Variants in NCMAP observed in about 807,000 individuals in gnomAD.
NCMAP encodes the protein non-compact myelin associated protein.
NCMAP carries 8 observed loss-of-function variants against 7.8 expected under a neutral mutation model. The ratio of observed to expected loss-of-function variants is 1.02; its 90% CI spans 0.60 to 1.84. The LOEUF is 1.84. NCMAP is among the 40% of genes most tolerant of loss of function. NCMAP has a pLI of 0.00. For synonymous variants in NCMAP, 41 were observed against 52.9 expected (o/e 0.78, Z 0.98); for missense variants, 112 against 131.4 (o/e 0.85, Z 0.72).
intron 1 of NCMAP, among the ~76,000 whole-genome samples, chr1:24,592,344 CG>C (rs1652072111): frequency 6.6e-6 from 1 of 152,140 alleles, no homozygotes; most frequent in Non-Finnish European, 1.5e-5. Context: ...GCAAGGAGTT[CG>C]TCTAGTATTC....
intron 1 of NCMAP, among the ~76,000 whole-genome samples, chr1:24,571,230 A>T (rs1401126231): frequency 6.6e-6 from 1 of 150,686 alleles, no homozygotes; most frequent in African/African-American, 2.5e-5. Context: ...TAATCCTAGC[A>T]CTTTGGGAGG....
intron 1 of NCMAP, among the ~76,000 whole-genome samples, chr1:24,565,916 G>A (rs1340055771): frequency 2.6e-5 from 4 of 152,078 alleles, no homozygotes; most frequent in African/African-American, 9.7e-5. Flanking sequence ...TTGAATCATC[G>A]TGGTGGTTTC....
intron 1 of NCMAP, among the ~76,000 whole-genome samples, chr1:24,594,891 A>T (rs1652166685): frequency 9.0e-6 from 1 of 111,184 alleles, no homozygotes; most frequent in East Asian, 2.4e-4. Context: ...ACCTTTATGT[A>T]AAAAAAAAAT....
rs1445103184 is a variant in NCMAP, at chr1:24,565,497, T to G, written c.-8+9328T>G. ...GCTAGAATTTAATGACATTGATCTA[T>G]TTCATCTAATTTATTTCATTGTTAC... On this transcript the variant is annotated intron_variant, in intron 1 of 3. Coordinates refer to ENST00000374392, the MANE Select transcript of NCMAP (RefSeq NM_001010980.5). Among the ~76,000 whole-genome samples, 3 of 152,248 alleles carry G rather than the reference T, an allele frequency of 2.0e-5. No homozygotes were observed. In the East Asian group the frequency reaches 5.8e-4, roughly 29 times the overall value.
intron 1 of NCMAP, among the ~76,000 whole-genome samples, chr1:24,579,299 G>A (rs961463733): frequency 7.9e-5 from 12 of 151,820 alleles, no homozygotes; most frequent in Non-Finnish European, 1.0e-4. Flanking sequence ...ATATATCAAT[G>A]TTTTCTTCTT....
At chr1:24,595,577 A>C in intron 2 of NCMAP, 65 bp downstream of exon 2, 1 of 1,303,390 alleles carries the variant, frequency 7.7e-7, no homozygotes. Context: ...GTCATAGTGC[A>C]GAGGTTAAGA....
At chr1:24,592,382 G>A (rs1652074288) in intron 1 of NCMAP, among the ~76,000 whole-genome samples, 1 of 152,156 alleles carries the variant, frequency 6.6e-6, no homozygotes. Flanking sequence ...ACTGAGCCCA[G>A]CATCAGTCAC....
intron 1 of NCMAP, among the ~76,000 whole-genome samples, chr1:24,570,110 A>ATTT (rs750896180): frequency 4.3e-5 from 6 of 139,672 alleles, no homozygotes; most frequent in Non-Finnish European, 6.2e-5. Flanking sequence ...ACACCTGGAA[A>ATTT]TTTTTTTTTT....
rs190680952 is a variant in NCMAP, at chr1:24,571,589, A to C, written c.-8+15420A>C. Among the ~76,000 whole-genome samples the C allele has an allele frequency of 1.9e-3, 286 of 150,488 alleles. 19 individuals carry two copies. The highest frequency in any genetic ancestry group is 6.8e-3 in the Middle Eastern group (2 of 294). On this transcript the variant is annotated intron_variant, in intron 1 of 3. Transcript: ENST00000374392. Reference sequence around the variant, plus strand: ...CAATAGAAAAAAACTTCATATATATACTTTTTTTTTCTTTGAGATGGAGTC... The same window carrying C: ...CAATAGAAAAAAACTTCATATATATCCTTTTTTTTTCTTTGAGATGGAGTC...
intron 1 of NCMAP, among the ~76,000 whole-genome samples, chr1:24,560,488 G>A (rs1651019115): frequency 6.6e-6 from 1 of 152,198 alleles, no homozygotes; most frequent in Non-Finnish European, 1.5e-5. Context: ...AACAAATGTG[G>A]GCCCGGGGTG....
chr1:24,575,244 C>A lies in NCMAP; in HGVS notation c.-8+19075C>A, dbSNP rs12134945. On this transcript the variant is annotated intron_variant, in intron 1 of 3. Coordinates refer to ENST00000374392, the MANE Select transcript of NCMAP (RefSeq NM_001010980.5). ...AAAGATGTTTTAATTTCTTTAAAAT[C>A]AAGCAGGGGAAAGAACTTTTAGAGC... 7.9e-3 allele frequency among the ~76,000 whole-genome samples: 1,197 copies of A among 152,086 alleles called. 8 individuals carry two copies. Among genetic ancestry groups the A allele is most frequent in the Non-Finnish European group, 0.01 (709 of 67,986 alleles).
At chr1:24,595,560 T>G (rs759512622) in intron 2 of NCMAP, 48 bp downstream of exon 2, 2 of 1,462,004 alleles carry the variant, frequency 1.4e-6, no homozygotes, top group African/African-American at 2.8e-5. Flanking sequence ...GCAGGACCAG[T>G]GTCATGGTCA....
chr1:24,568,762 T>G (rs2776734), intron 1 of NCMAP, among the ~76,000 whole-genome samples: 1 of 151,824 alleles, frequency 6.6e-6, no homozygotes, highest in African/African-American at 2.4e-5. Context: ...GAATCCATAA[T>G]AAACTGAATC....
At chr1:24,565,915 C>T (rs909864349) in intron 1 of NCMAP, among the ~76,000 whole-genome samples, 24 of 152,208 alleles carry the variant, frequency 1.6e-4, no homozygotes, top group East Asian at 1.9e-4. Flanking sequence ...ATTGAATCAT[C>T]GTGGTGGTTT....
intron 1 of NCMAP, among the ~76,000 whole-genome samples, chr1:24,565,077 A>G (rs1305330057): frequency 6.6e-6 from 1 of 152,184 alleles, no homozygotes; most frequent in Non-Finnish European, 1.5e-5. Context: ...AACTGTGGGA[A>G]GTCAGGCTTC....
intron 3 of NCMAP, among the ~76,000 whole-genome samples, chr1:24,604,351 G>T (rs1276339185): frequency 2.0e-5 from 3 of 151,554 alleles, no homozygotes; most frequent in Non-Finnish European, 2.9e-5. Context: ...GAGGCAGGTG[G>T]ATTGCTTGAA....
At chr1:24,593,895 TA>T (rs1249244001) in intron 1 of NCMAP, among the ~76,000 whole-genome samples, 3 of 115,030 alleles carry the variant, frequency 2.6e-5, no homozygotes, top group Admixed American at 1.8e-4. Flanking sequence ...TTTATTTATT[TA>T]TTTATTTTTT....
intron 1 of NCMAP, among the ~76,000 whole-genome samples, chr1:24,564,593 A>G (rs1168506635): frequency 6.6e-6 from 1 of 151,888 alleles, no homozygotes; most frequent in East Asian, 1.9e-4. Context: ...AAAGAAAAAT[A>G]AAAGTGGAGA....
At chr1:24,577,625 A>G (rs1318034876) in intron 1 of NCMAP, among the ~76,000 whole-genome samples, 2 of 151,330 alleles carry the variant, frequency 1.3e-5, no homozygotes, top group Non-Finnish European at 2.9e-5. Context: ...GATTGCTGGC[A>G]CTCATTTGGA....
Sources: allele counts gnomAD v4.1 joint callset (sites outside exome capture counted in the v4.1 genomes callset), GRCh38; gene constraint gnomAD v4.1.1; transcripts MANE v1.5; gene names NCBI Gene and HGNC (gene_info 2026-07-23, HGNC 2026-07-21).